SLC25A26: variants seen among roughly 807,000 people sequenced by gnomAD.
The protein encoded by SLC25A26 is solute carrier family 25 member 26, also known as mitochondrial S-adenosylmethionine carrier protein.
In SLC25A26, 36 loss-of-function variants were observed where a neutral mutation model predicts 37.8. That is an observed-to-expected ratio of 0.95 (90% confidence interval 0.73 to 1.26). The LOEUF (loss-of-function observed/expected upper bound fraction) is 1.26, where lower values mean the gene tolerates loss of function less well. Among genes scored for constraint, SLC25A26 ranks in the 50% most tolerant of loss-of-function variants. SLC25A26 has a pLI of 0.00. For synonymous variants in SLC25A26, 129 were observed against 122.5 expected, an observed-to-expected ratio of 1.05 and a Z score of -0.35; for missense variants, 390 against 331.1, an observed-to-expected ratio of 1.18 and a Z score of -1.38.
intron 1 of SLC25A26, among the ~76,000 whole-genome samples, chr3:66,135,288 A>G (rs139083674): frequency 6.6e-6 from 1 of 152,294 alleles, no homozygotes; most frequent in East Asian, 1.9e-4. Flanking sequence ...TTTTCAATTT[A>G]CTCCTAATCT....
rs557038030 is a variant in SLC25A26, at chr3:66,144,113, A to G, written c.-354+10129A>G. On this transcript the variant is annotated intron_variant, in intron 1 of 10. Coordinates refer to the SLC25A26 transcript ENST00000676754. ...GGGTGAGCTACTTTCAATAGTTAGG[A>G]AAGGCCTCTATGAGAAGCTCATATT... Among the ~76,000 whole-genome samples, 270 of 152,276 alleles carry G rather than the reference A, an allele frequency of 1.8e-3. 3 individuals carry two copies. The highest frequency in any genetic ancestry group is 6.3e-3 in the African/African-American group (260 of 41,554).
At chr3:66,219,883 T>A (rs2071422566), upstream of SLC25A26, among the ~76,000 whole-genome samples, 1 of 152,204 alleles carries the variant, frequency 6.6e-6, no homozygotes, top group Admixed American at 6.5e-5. Context: ...ATCGCCACTT[T>A]ACAGGGGAGA....
chr3:66,185,779 T>C (rs1020039494), intron 1 of SLC25A26, among the ~76,000 whole-genome samples: 78 of 151,876 alleles, frequency 5.1e-4, no homozygotes, highest in Non-Finnish European at 1.1e-3. Flanking sequence ...TATACTTACA[T>C]TCACCCTGAC....
At chr3:66,261,280 C>T (rs2073519182) in intron 3 of SLC25A26, among the ~76,000 whole-genome samples, 1 of 152,202 alleles carries the variant, frequency 6.6e-6, no homozygotes, top group Non-Finnish European at 1.5e-5. Context: ...CTCCCTGTAC[C>T]TTGCCACCCC....
At chr3:66,137,173 G>A (rs1278951138) in intron 1 of SLC25A26, among the ~76,000 whole-genome samples, 2 of 150,834 alleles carry the variant, frequency 1.3e-5, no homozygotes, top group Admixed American at 6.6e-5. Context: ...CTATGGAACA[G>A]ACCTTCACCA....
chr3:66,316,651 T>A (rs1271705097), intron 5 of SLC25A26, among the ~76,000 whole-genome samples: 1 of 152,188 alleles, frequency 6.6e-6, no homozygotes, highest in Non-Finnish European at 1.5e-5. Flanking sequence ...TTCCTGAATT[T>A]GAATGTTGGC....
chr3:66,254,002 A>T (rs576726891), intron 3 of SLC25A26, among the ~76,000 whole-genome samples: 1 of 152,242 alleles, frequency 6.6e-6, no homozygotes, highest in Non-Finnish European at 1.5e-5. Flanking sequence ...TTCCTTGTGT[A>T]GTCTGTATTA....
intron 5 of SLC25A26, among the ~76,000 whole-genome samples, chr3:66,286,059 G>A (rs1018308777): frequency 6.6e-6 from 1 of 152,024 alleles, no homozygotes; most frequent in African/African-American, 2.4e-5. Flanking sequence ...TTAATTGTAC[G>A]GTTTCTTTGG....
At chr3:66,210,678 A>G (rs1201728500) in intron 1 of SLC25A26, among the ~76,000 whole-genome samples, 1 of 152,012 alleles carries the variant, frequency 6.6e-6, no homozygotes, top group Admixed American at 6.6e-5. Context: ...ATGCGAGGCT[A>G]ATTTTTGTAT....
rs1238897849 is a variant in SLC25A26, at chr3:66,168,153, C to CAAAAAAA, written c.-354+34171_-354+34177dup. ...GGGCAACAAGAGCAAAACTCAGTCT[C>CAAAAAAA]AAAAAAAATATATATATATATATGT... On this transcript the variant is annotated intron_variant, in intron 1 of 10. Coordinates refer to the SLC25A26 transcript ENST00000676754. 3.2e-4 allele frequency among the ~76,000 whole-genome samples: 17 copies of CAAAAAAA among 53,478 alleles called. No individual in the cohort carries two copies. In the East Asian group the frequency reaches 5.7e-3, roughly 18 times the overall value. The allele number at this position is 53,478 out of a possible 152,430, so 35.1% of individuals were successfully genotyped here. A position where few individuals can be genotyped will look rare whatever the true frequency, so the allele number is the denominator to read the frequency against.
intron 5 of SLC25A26, among the ~76,000 whole-genome samples, chr3:66,292,674 G>T (rs751296185): frequency 1.7e-4 from 26 of 152,308 alleles, no homozygotes; most frequent in Non-Finnish European, 3.4e-4. Context: ...CTGTTAGTCT[G>T]ATGGCTTCCC....
intron 1 of SLC25A26, 40 bp downstream of exon 1, chr3:66,221,167 G>A: frequency 1.3e-6 from 2 of 1,501,244 alleles, no homozygotes; most frequent in Non-Finnish European, 1.8e-6. Context: ...CAGAGTGCCG[G>A]CGTCCGGCAT....
intron 1 of SLC25A26, among the ~76,000 whole-genome samples, chr3:66,204,443 A>AAAAAAG (rs2071151083): frequency 6.8e-6 from 1 of 147,990 alleles, no homozygotes; most frequent in Non-Finnish European, 1.5e-5. Flanking sequence ...AAAAAAAGAA[A>AAAAAAG]AAAAGAAAAA....
At chr3:66,350,388 G>A (rs1338561739) in intron 6 of SLC25A26, among the ~76,000 whole-genome samples, 1 of 152,110 alleles carries the variant, frequency 6.6e-6, no homozygotes, top group Non-Finnish European at 1.5e-5. Flanking sequence ...ATTAAAATTT[G>A]ATTCCCTTCT....
At chr3:66,155,273 G>A (rs548991380) in intron 1 of SLC25A26, among the ~76,000 whole-genome samples, 1 of 152,342 alleles carries the variant, frequency 6.6e-6, no homozygotes, top group Non-Finnish European at 1.5e-5. Context: ...ACTTTGGGAG[G>A]CCAAAGCAGG....
chr3:66,190,627 C>T (rs1169662128), intron 1 of SLC25A26, among the ~76,000 whole-genome samples: 1 of 152,034 alleles, frequency 6.6e-6, no homozygotes, highest in Non-Finnish European at 1.5e-5. Context: ...TGGGGTTTCA[C>T]CATGTTGGCC....
intron 5 of SLC25A26, among the ~76,000 whole-genome samples, chr3:66,338,612 G>A (rs1348090134): frequency 6.6e-6 from 1 of 151,912 alleles, no homozygotes; most frequent in Non-Finnish European, 1.5e-5. Flanking sequence ...TACATTCACA[G>A]TGTTGTGTAA....
At chr3:66,163,827 T>C (rs2070391025) in intron 1 of SLC25A26, among the ~76,000 whole-genome samples, 1 of 152,232 alleles carries the variant, frequency 6.6e-6, no homozygotes, top group Non-Finnish European at 1.5e-5. Flanking sequence ...CTAATAATCA[T>C]TTATTTAGAC....
Position 66,370,110 on chromosome 3 carries a change from C to A in SLC25A26, c.634-419C>A, listed in dbSNP as rs374569873. On this transcript the variant is annotated intron_variant, in intron 8 of 9. Coordinates refer to ENST00000354883, the MANE Select transcript of SLC25A26 (RefSeq NM_001379210.1). ...TTAGTATGGAGGTGGCAGGATCCAA[C>A]CTAAGAATGTTAATCACGTTTTAAA... is the stretch of plus-strand genomic sequence containing the variant. 9.8e-5 allele frequency among the ~76,000 whole-genome samples: 15 copies of A among 152,308 alleles called. No individual in the cohort carries two copies. In the East Asian group the frequency reaches 1.9e-3, roughly 20 times the overall value.
Sources: gnomAD v4.1 joint callset for allele counts (sites outside exome capture counted in the v4.1 genomes callset) on GRCh38, gnomAD v4.1.1 for gene constraint, MANE v1.5 for transcripts, NCBI Gene and HGNC (gene_info 2026-07-23, HGNC 2026-07-21) for gene names.